RPS6KA5: variants seen among roughly 807,000 people sequenced by gnomAD.
RPS6KA5 encodes the protein ribosomal protein S6 kinase alpha-5.
RPS6KA5 carries 27 observed loss-of-function variants against 85.5 expected under a neutral mutation model. The observed-to-expected ratio is 0.32, with a 90% CI of 0.23 to 0.44. The LOEUF is 0.44. Ranked by LOEUF, RPS6KA5 falls within the 20% of genes least tolerant of loss-of-function variation. RPS6KA5 has a pLI of 1.00. For synonymous variants in RPS6KA5, 334 were observed against 348.2 expected, an observed-to-expected ratio of 0.96 and a Z score of 0.46; for missense variants, 811 against 980.9, an observed-to-expected ratio of 0.83 and a Z score of 2.31.
rs1296779472 is a variant in RPS6KA5 at position 90,872,326 on chromosome 14, GC to G, written c.2161-5del. On this transcript the variant is annotated splice_region_variant and splice_polypyrimidine_tract_variant and intron_variant, in intron 16 of 16. Transcript: ENST00000614987. The stretch of plus-strand genomic sequence containing the variant: ...CTCTCTTGTATTTGTTAAAGGCCTG[GC>G]GGGGGAAAAAAAGGGAACCCCTGTG... 1.3e-6 allele frequency: 2 copies of G among 1,596,590 alleles called. No individual in the cohort carries two copies. The highest frequency in any genetic ancestry group is 2.7e-5 in the African/African-American group (2 of 73,260).
chr14:91,000,279 T>C (rs1165975734), intron 2 of RPS6KA5, among the ~76,000 whole-genome samples: 2 of 152,212 alleles, frequency 1.3e-5, no homozygotes, highest in Non-Finnish European at 2.9e-5. Context: ...AAGTAGATCA[T>C]TTTAATCTAT....
At position 90,857,512 on chromosome 14, in the gene RPS6KA5, T is replaced by C. The variant is rs961079553; in HGVS notation, c.*14562A>G. 17 of 152,240 alleles carry C rather than the reference T, an allele frequency of 1.1e-4. No individual in the cohort carries two copies. Among genetic ancestry groups the C allele is most frequent in the African/African-American group, 3.9e-4 (16 of 41,468 alleles). 9.4% of individuals were successfully genotyped at this position (152,240 alleles called of 1,614,324 possible). On this transcript the variant is annotated 3_prime_UTR_variant, in exon 17 of 17. Transcript: ENST00000614987. Reference sequence around the variant, plus strand: ...TCTCCATAAATCAGTTCCTGGAGTTTCAACTCAAATTGTCAAATAATTGTG... The same window carrying C: ...TCTCCATAAATCAGTTCCTGGAGTTCCAACTCAAATTGTCAAATAATTGTG...
chr14:90,887,311 G>C (rs1036717347), intron 14 of RPS6KA5, among the ~76,000 whole-genome samples: 1 of 152,122 alleles, frequency 6.6e-6, no homozygotes, highest in South Asian at 2.1e-4. Flanking sequence ...CTCCCAAGTA[G>C]CTGGGACTAC....
intron 1 of RPS6KA5, 85 bp downstream of exon 1, chr14:91,060,247 G>T: frequency 2.1e-6 from 2 of 966,938 alleles, no homozygotes; most frequent in Non-Finnish European, 2.5e-6. Flanking sequence ...CTGCGGCCCC[G>T]CGCCCCCAGC....
intron 1 of RPS6KA5, among the ~76,000 whole-genome samples, chr14:91,056,615 T>C (rs570236934): frequency 1.3e-5 from 2 of 152,288 alleles, no homozygotes; most frequent in South Asian, 2.1e-4. Flanking sequence ...TGGTTCCTGA[T>C]GCAACCCAGT....
At chr14:90,941,903 T>C (rs1201224349) in intron 5 of RPS6KA5, among the ~76,000 whole-genome samples, 1 of 152,212 alleles carries the variant, frequency 6.6e-6, no homozygotes, top group Non-Finnish European at 1.5e-5. Context: ...TACAATTTGC[T>C]GAAGTCATCA....
chr14:90,962,517 C>G (rs1008994353), intron 3 of RPS6KA5, among the ~76,000 whole-genome samples: 2 of 151,954 alleles, frequency 1.3e-5, no homozygotes, highest in African/African-American at 4.8e-5. Context: ...GAACTCCTGA[C>G]TTCAGGTGAT....
In RPS6KA5 at chr14:90,864,310, T is replaced by G. The variant is rs8005327; in HGVS notation, c.*7764A>C. 0.22 allele frequency: 33,073 copies of G among 152,222 alleles called. 3,871 individuals carry two copies. The highest frequency in any genetic ancestry group is 0.28 in the Admixed American group (4,337 of 15,278). The allele number at this position is 152,222 out of a possible 1,614,324, so 9.4% of individuals were successfully genotyped here. A position where few individuals can be genotyped will look rare whatever the true frequency, so the allele number is the denominator to read the frequency against. Reference sequence around the variant, plus strand: ...ATGCACCACCATGCCTGGCTAATTTTTATACTTTTAGTAGAGATGGGGTTT... The same window carrying G: ...ATGCACCACCATGCCTGGCTAATTTGTATACTTTTAGTAGAGATGGGGTTT... On this transcript the variant is annotated 3_prime_UTR_variant, in exon 17 of 17. Coordinates refer to ENST00000614987, the MANE Select transcript of RPS6KA5 (RefSeq NM_004755.4).
intron 2 of RPS6KA5, among the ~76,000 whole-genome samples, chr14:90,985,070 A>T (rs2040001981): frequency 6.6e-6 from 1 of 151,970 alleles, no homozygotes; most frequent in Non-Finnish European, 1.5e-5. Context: ...CTTCCCAAGT[A>T]GCTGGGATTA....
rs926378075 is a variant in RPS6KA5 at position 91,002,758 on chromosome 14, T to G, written c.104-1599A>C. On this transcript the variant is annotated intron_variant, in intron 1 of 16. Coordinates refer to ENST00000614987, the MANE Select transcript of RPS6KA5 (RefSeq NM_004755.4). Reference sequence around the variant, plus strand: ...TGTTATGCAACAGATCTTTAGAACCTTTTCATCCTGCAAAATAAACTATAT... The same window carrying G: ...TGTTATGCAACAGATCTTTAGAACCGTTTCATCCTGCAAAATAAACTATAT... 5.9e-5 allele frequency among the ~76,000 whole-genome samples: 9 copies of G among 152,302 alleles called. No homozygotes were observed. In the South Asian group the frequency reaches 1.7e-3, roughly 28 times the overall value.
At chr14:90,921,015 A>T (rs182289683) in intron 6 of RPS6KA5, among the ~76,000 whole-genome samples, 160 of 152,278 alleles carry the variant, frequency 1.1e-3, no homozygotes, top group African/African-American at 3.3e-3. Context: ...TACAGGCGTG[A>T]GCCACCATGC....
At chr14:90,995,340 T>C (rs368606287) in intron 2 of RPS6KA5, among the ~76,000 whole-genome samples, 2 of 152,290 alleles carry the variant, frequency 1.3e-5, no homozygotes, top group African/African-American at 4.8e-5. Flanking sequence ...GTTGCAAACC[T>C]GTATGATGTT....
chr14:90,931,300 T>C (rs926832834), intron 5 of RPS6KA5, among the ~76,000 whole-genome samples: 1 of 152,056 alleles, frequency 6.6e-6, no homozygotes, highest in Admixed American at 6.6e-5. Flanking sequence ...ATAAATACTG[T>C]ACAACTCCAC....
intron 2 of RPS6KA5, among the ~76,000 whole-genome samples, chr14:90,992,561 G>T (rs140390375): frequency 8.7e-4 from 133 of 152,150 alleles, no homozygotes; most frequent in Middle Eastern, 3.4e-3. Context: ...ATATAAAATG[G>T]GCTGATAATC....
At chr14:91,050,202 A>G (rs889968372) in intron 1 of RPS6KA5, among the ~76,000 whole-genome samples, 4 of 151,974 alleles carry the variant, frequency 2.6e-5, no homozygotes, top group Admixed American at 1.3e-4. Context: ...ACATAGCAAG[A>G]CCCTATCTCT....
chr14:90,922,541 C>T (rs1447435529), intron 6 of RPS6KA5, among the ~76,000 whole-genome samples: 2 of 152,186 alleles, frequency 1.3e-5, no homozygotes, highest in South Asian at 2.1e-4. Context: ...CTCTGCCTCC[C>T]GGGTTCAAAC....
intron 12 of RPS6KA5, among the ~76,000 whole-genome samples, chr14:90,898,549 A>G (rs545165129): frequency 1.3e-5 from 2 of 152,370 alleles, no homozygotes; most frequent in South Asian, 4.1e-4. Flanking sequence ...GTGACCTTAG[A>G]CAAGTTTTAT....
intron 1 of RPS6KA5, among the ~76,000 whole-genome samples, chr14:91,006,299 A>C (rs1566855466): frequency 6.6e-6 from 1 of 152,146 alleles, no homozygotes; most frequent in Non-Finnish European, 1.5e-5. Flanking sequence ...CAACATACAT[A>C]GTAGTTAGCT....
At chr14:90,884,994 T>C (rs2034094097) in intron 14 of RPS6KA5, among the ~76,000 whole-genome samples, 1 of 152,150 alleles carries the variant, frequency 6.6e-6, no homozygotes, top group South Asian at 2.1e-4. Flanking sequence ...GGCTCACACC[T>C]GCAATCCCAG....
Sources: allele counts gnomAD v4.1 joint callset (sites outside exome capture counted in the v4.1 genomes callset), GRCh38; gene constraint gnomAD v4.1.1; transcripts MANE v1.5; gene names NCBI Gene and HGNC (gene_info 2026-07-23, HGNC 2026-07-21).